HSPH1: variants seen among roughly 807,000 people sequenced by gnomAD.
HSPH1 encodes heat shock protein family H (Hsp110) member 1.
Under a neutral mutation model 100.0 loss-of-function variants are expected in HSPH1, and 40 were observed. That is an observed-to-expected ratio of 0.40 (90% CI 0.31 to 0.52). The LOEUF (loss-of-function observed/expected upper bound fraction) is 0.52. HSPH1 is among the 20% of genes least tolerant of loss of function. The probability of loss-of-function intolerance (pLI) is 0.54; values close to 1 mark genes in which losing one functional copy is unlikely to be tolerated. For synonymous variants in HSPH1, 403 were observed against 344.0 expected (o/e 1.17, Z -1.90); for missense variants, 876 against 1,015.1 (o/e 0.86, Z 1.86).
In HSPH1 at chr13:31,161,815, C is replaced by T. The variant is rs982150044; in HGVS notation, c.-233G>A. 24 of 1,480,164 alleles carry T rather than the reference C, an allele frequency of 1.6e-5. No individual in the cohort carries two copies. Among genetic ancestry groups the T allele is most frequent in the East Asian group, 2.5e-5 (1 of 40,236 alleles). The allele number at this position is 1,480,164 out of a possible 1,614,324, so 91.7% of individuals were successfully genotyped here. On this transcript the variant is annotated 5_prime_UTR_variant, in exon 1 of 18. Coordinates refer to ENST00000320027, the MANE Select transcript of HSPH1 (RefSeq NM_006644.4). ...TAAGAAACCCTGGGAGAAAGCGGGGCTCAGCCTCCGCAGGTCGCTCCGCAC... is the reference window on the plus strand; with the variant it reads ...TAAGAAACCCTGGGAGAAAGCGGGGTTCAGCCTCCGCAGGTCGCTCCGCAC...
At chr13:31,156,173 G>A (rs1410951610) in intron 2 of HSPH1, among the ~76,000 whole-genome samples, 15 of 152,236 alleles carry the variant, frequency 9.9e-5, no homozygotes, top group African/African-American at 3.6e-4. Flanking sequence ...GGTGGATCAC[G>A]AGGTCAGGAG....
upstream of HSPH1, chr13:31,161,979 C>T: frequency 6.5e-7 from 1 of 1,536,000 alleles, no homozygotes; most frequent in Non-Finnish European, 8.7e-7. Flanking sequence ...GGCATTTACT[C>T]ACCGGCGCCT....
In HSPH1 at chr13:31,161,651, T is replaced by C. The variant is rs969393580; in HGVS notation, c.-69A>G. ...CCTCCGGCCCCCTGCCTGCTTCTCCTGCCGCCGCTTTCTGCCCTGGCCGCG... is the reference window on the plus strand; with the variant it reads ...CCTCCGGCCCCCTGCCTGCTTCTCCCGCCGCCGCTTTCTGCCCTGGCCGCG... On this transcript the variant is annotated 5_prime_UTR_variant, in exon 1 of 18. Transcript: ENST00000320027. 1.3e-6 allele frequency: 2 copies of C among 1,590,978 alleles called. No homozygotes were observed. Among genetic ancestry groups the C allele is most frequent in the Non-Finnish European group, 1.7e-6 (2 of 1,174,408 alleles).
chr13:31,159,853 A>G (rs1956832727), intron 1 of HSPH1, among the ~76,000 whole-genome samples: 1 of 152,190 alleles, frequency 6.6e-6, no homozygotes, highest in Non-Finnish European at 1.5e-5. Flanking sequence ...TAAAAGCCAG[A>G]GAAGTGTCCA....
chr13:31,151,630 A>T lies in HSPH1; in HGVS notation c.642T>A (p.Ala214=). The T allele has an allele frequency of 6.2e-7, 1 of 1,610,472 alleles. No homozygotes were observed. The highest frequency in any genetic ancestry group is 8.5e-7 in the Non-Finnish European group (1 of 1,178,908). The change falls in exon 6 of 18, where the codon GCT becomes GCA. Residue 214 remains alanine, a synonymous_variant. Coordinates refer to ENST00000320027, the MANE Select transcript of HSPH1 (RefSeq NM_006644.4). ...GHSAFQVSAC[A]FNKGKLKVLG... The stretch of plus-strand genomic sequence containing the variant: ...TTACCTTCAATTTTCCCTTGTTAAA[A>T]GCACAAGCAGACACTTGAAAAGCTG...
chr13:31,143,123 T>C (rs1250927386), intron 12 of HSPH1, among the ~76,000 whole-genome samples: 2 of 152,166 alleles, frequency 1.3e-5, no homozygotes, highest in African/African-American at 2.4e-5. Flanking sequence ...ATTATTTACA[T>C]GTAACTTGTA....
rs540965902 is a variant in HSPH1 at position 31,137,286 on chromosome 13, T to G, written c.*32A>C. 4.6e-5 allele frequency: 60 copies of G among 1,302,820 alleles called. 1 individual carries two copies. In the South Asian group the frequency reaches 7.5e-4, roughly 16 times the overall value. 80.7% of individuals were successfully genotyped at this position (1,302,820 alleles called of 1,614,324 possible). A position where few individuals can be genotyped will look rare whatever the true frequency, so the allele number is the denominator to read the frequency against. ...CACATACTATGGCAAAAATATTTTA[T>G]TAATTGAAGGAATAGGCCAATTTAA... is the stretch of plus-strand genomic sequence containing the variant. On this transcript the variant is annotated 3_prime_UTR_variant, in exon 18 of 18. Transcript: ENST00000320027.
chr13:31,161,591 C>A lies in HSPH1; in HGVS notation c.-9G>T, dbSNP rs775763163. The A allele has an allele frequency of 6.2e-7, 1 of 1,612,078 alleles. No homozygotes were observed. Among genetic ancestry groups the A allele is most frequent in the Non-Finnish European group, 8.5e-7 (1 of 1,179,500 alleles). ...AACCCCACCACCGACATGGCCGGCTCGCGGTCCGCCTCCGCCTCGGGTCTC... is the reference window on the plus strand; with the variant it reads ...AACCCCACCACCGACATGGCCGGCTAGCGGTCCGCCTCCGCCTCGGGTCTC... On this transcript the variant is annotated 5_prime_UTR_variant, in exon 1 of 18. Transcript: ENST00000320027.
At position 31,149,980 on chromosome 13, in the gene HSPH1, C is replaced by T; in HGVS notation, c.1111G>A (p.Ala371Thr). ...TGTAATGCACATCCTCTGGCTACTG[C>T]TTCATCTGCATTGAGTGTTGTGCTA... ...DISTTLNADEAVARGCALQCA... is the reference protein window; with the variant it reads ...DISTTLNADETVARGCALQCA... The change falls in exon 8 of 18, where the codon GCA becomes ACA. Residue 371 changes from alanine to threonine, a missense_variant. Coordinates refer to ENST00000320027, the MANE Select transcript of HSPH1 (RefSeq NM_006644.4). 1 of 1,613,700 alleles carries T rather than the reference C, an allele frequency of 6.2e-7. No homozygotes were observed.
intron 2 of HSPH1, among the ~76,000 whole-genome samples, chr13:31,158,352 C>T (rs908830721): frequency 6.6e-6 from 1 of 152,054 alleles, no homozygotes; most frequent in Admixed American, 6.5e-5. Context: ...AGTTCGAGAT[C>T]AGTCTGACCA....
intron 10 of HSPH1, among the ~76,000 whole-genome samples, chr13:31,147,131 T>A (rs1239964084): frequency 6.6e-6 from 1 of 152,148 alleles, no homozygotes; most frequent in African/African-American, 2.4e-5. Context: ...TTAGATGCCA[T>A]GCCAAAGAGC....
At chr13:31,141,756 C>T (rs1327398745) in intron 12 of HSPH1, among the ~76,000 whole-genome samples, 2 of 150,898 alleles carry the variant, frequency 1.3e-5, no homozygotes, top group Non-Finnish European at 1.5e-5. Flanking sequence ...TTAAAATTTC[C>T]TTATTGAACT....
chr13:31,154,296 G>C (rs1340213494), intron 4 of HSPH1: 1 of 338,372 alleles, frequency 3.0e-6, no homozygotes, highest in African/African-American at 2.1e-5. Context: ...ACGGAGGGTA[G>C]AATTCTTTCA....
chr13:31,157,360 T>C (rs1230581564), intron 2 of HSPH1, among the ~76,000 whole-genome samples: 1 of 152,216 alleles, frequency 6.6e-6, no homozygotes, highest in African/African-American at 2.4e-5. Context: ...TCTCCTTTCC[T>C]TTTTCACCCC....
In HSPH1 at chr13:31,153,006, T is replaced by C; in HGVS notation, c.430-55A>G. On this transcript the variant is annotated intron_variant, in intron 4 of 17. Transcript: ENST00000320027. Reference sequence around the variant, plus strand: ...CTAGAACACAAAATATACTTAGAAATTCCTCACAAACCACTTATAAATTCA... The same window carrying C: ...CTAGAACACAAAATATACTTAGAAACTCCTCACAAACCACTTATAAATTCA... 8 of 1,196,862 alleles carry C rather than the reference T, an allele frequency of 6.7e-6. No homozygotes were observed. The South Asian group carries it at 9.8e-5, about 15-fold the overall frequency. 74.1% of individuals were successfully genotyped at this position (1,196,862 alleles called of 1,614,324 possible).
chr13:31,160,810 G>C lies in HSPH1; in HGVS notation c.107+666C>G, dbSNP rs532524007. Among the ~76,000 whole-genome samples, 3 of 152,104 alleles carry C rather than the reference G, an allele frequency of 2.0e-5. No individual in the cohort carries two copies. In the South Asian group the frequency reaches 6.2e-4, roughly 32 times the overall value. Reference sequence around the variant, plus strand: ...AAAAAAAAAGACGTTTACATCTTTCGACAATGATCCCGGGCATTAAGGCCA... The same window carrying C: ...AAAAAAAAAGACGTTTACATCTTTCCACAATGATCCCGGGCATTAAGGCCA... On this transcript the variant is annotated intron_variant, in intron 1 of 17. Transcript: ENST00000320027.
intron 14 of HSPH1, among the ~76,000 whole-genome samples, chr13:31,139,367 A>G (rs1420756549): frequency 6.6e-6 from 1 of 152,080 alleles, no homozygotes; most frequent in Non-Finnish European, 1.5e-5. Context: ...ACCAGGTCTT[A>G]GTAACTTTTT....
rs1246641502 is a variant in HSPH1, at chr13:31,161,481, G to C, written c.102C>G (p.Cys34Trp). The C allele has an allele frequency of 6.2e-7, 1 of 1,613,930 alleles. No individual in the cohort carries two copies. The highest frequency in any genetic ancestry group is 8.5e-7 in the Non-Finnish European group (1 of 1,179,958). The change falls in exon 1 of 18, where the codon TGC becomes TGG. Residue 34 changes from cysteine to tryptophan, a missense_variant. By Grantham distance (215) the Cys-to-Trp change is radical. Transcript: ENST00000320027. ...CCTCGCAGACTCCCACTTACGGGGT[G>C]CACCGGTCGCTGAACTCATTGGCGA... ...ETIANEFSDR[C>W]TPSVISFGSK...
chr13:31,154,960 A>G lies in HSPH1; in HGVS notation c.307-205T>C, dbSNP rs578213966. ...GAAAGGAAAAGAGAAAAAAAGAAAA[A>G]GGAAGAAAGAACTTCTACCTAAAGA... is the stretch of plus-strand genomic sequence containing the variant. On this transcript the variant is annotated intron_variant, in intron 3 of 17. Transcript: ENST00000320027. Among the ~76,000 whole-genome samples the G allele has an allele frequency of 5.9e-5, 9 of 152,300 alleles. No homozygotes were observed. In the East Asian group the frequency reaches 1.7e-3, roughly 29 times the overall value.
Sources: allele counts gnomAD v4.1 joint callset (sites outside exome capture counted in the v4.1 genomes callset), GRCh38; gene constraint gnomAD v4.1.1; transcripts MANE v1.5; gene names NCBI Gene and HGNC (gene_info 2026-07-23, HGNC 2026-07-21).